The following IFT56 variants were observed in gnomAD, a reference collection of about 807,000 sequenced individuals.
IFT56 encodes intraflagellar transport 56, also known as intraflagellar transport protein 56.
At chr7:139,189,499 G>GT in the IFT56 span, 1 of 1,116,768 alleles carries the variant, frequency 9.0e-7, no homozygotes, top group Non-Finnish European at 1.3e-6. Flanking sequence ...TTTCACTCCA[G>GT]TTTAATCTGT....
chr7:139,185,818 C>CT, the IFT56 span, among the ~76,000 whole-genome samples: 1 of 151,306 alleles, frequency 6.6e-6, no homozygotes, highest in Non-Finnish European at 1.5e-5. Context: ...ACAATAAAGA[C>CT]TTTTTTTAAA....
At chr7:139,189,450 A>G in the IFT56 span, 16 of 1,528,050 alleles carry the variant, frequency 1.0e-5, no homozygotes, top group Non-Finnish European at 1.4e-5. Context: ...CCAGCGTCCT[A>G]GGAACCAGCT....
chr7:139,191,210 T>C, the IFT56 span: 1 of 152,240 alleles, frequency 6.6e-6, no homozygotes, highest in African/African-American at 2.4e-5. Flanking sequence ...ATAACTGAAT[T>C]CTAGGAAGCA....
the IFT56 span, chr7:139,172,579 T>C: frequency 5.3e-6 from 3 of 566,142 alleles, no homozygotes; most frequent in Middle Eastern, 3.9e-4. Context: ...AAGCTGACTC[T>C]GGGAAAAAGT....
At chr7:139,169,306 T>C in the IFT56 span, 2 of 1,614,092 alleles carry the variant, frequency 1.2e-6, no homozygotes, top group South Asian at 2.2e-5. Context: ...ATATGAAAAT[T>C]GCCCAGCAGT....
the IFT56 span, among the ~76,000 whole-genome samples, chr7:139,177,133 C>A: frequency 6.7e-6 from 1 of 148,800 alleles, no homozygotes; most frequent in Non-Finnish European, 1.5e-5. Context: ...GATCGCACCA[C>A]TGCACTTCAC....
chr7:139,185,751 A>T, the IFT56 span, among the ~76,000 whole-genome samples: 3 of 152,012 alleles, frequency 2.0e-5, no homozygotes, highest in African/African-American at 7.3e-5. Context: ...TTTTCACATT[A>T]TAATTAGTAA....
At chr7:139,168,965 C>T in the IFT56 span, among the ~76,000 whole-genome samples, 2 of 152,188 alleles carry the variant, frequency 1.3e-5, no homozygotes, top group East Asian at 3.9e-4. Context: ...AATAAATACT[C>T]CTTGTTATAT....
At chr7:139,165,579 A>G in the IFT56 span, among the ~76,000 whole-genome samples, 952 of 149,098 alleles carry the variant, frequency 6.4e-3, 10 homozygotes, top group African/African-American at 0.023. Flanking sequence ...GTACATTCAC[A>G]TTTTCTTGTG....
At chr7:139,168,466 T>C in the IFT56 span, 3 of 1,198,984 alleles carry the variant, frequency 2.5e-6, no homozygotes, top group Admixed American at 3.5e-5. Flanking sequence ...ACAAAATGAC[T>C]ATCAAAGTGC....
chr7:139,138,610 G>A, the IFT56 span, among the ~76,000 whole-genome samples: 3 of 152,082 alleles, frequency 2.0e-5, no homozygotes, highest in Non-Finnish European at 4.4e-5. Flanking sequence ...CTTCAGAACA[G>A]GAAAATTAAG....
the IFT56 span, chr7:139,160,971 CA>C: frequency 3.7e-6 from 6 of 1,613,356 alleles, no homozygotes; most frequent in Non-Finnish European, 5.1e-6. Context: ...GCTTGATGGA[CA>C]ATGCTTCTTC....
the IFT56 span, chr7:139,169,486 G>C: frequency 2.8e-6 from 2 of 718,864 alleles, no homozygotes; most frequent in Admixed American, 2.5e-5. Context: ...AGAAATAAGA[G>C]AGAATATTGG....
the IFT56 span, chr7:139,168,346 GTA>G: frequency 3.1e-6 from 5 of 1,600,506 alleles, no homozygotes; most frequent in Non-Finnish European, 8.5e-7. Context: ...GTTTCTAGGA[GTA>G]TATTCTCAAA....
At chr7:139,178,106 T>A in the IFT56 span, 1 of 760,866 alleles carries the variant, frequency 1.3e-6, no homozygotes, top group Non-Finnish European at 2.2e-6. Context: ...TCTAGAAAGA[T>A]ATTTTGGAAT....
At chr7:139,139,779 C>A in the IFT56 span, 2 of 654,436 alleles carry the variant, frequency 3.1e-6, no homozygotes, top group South Asian at 4.1e-5. Context: ...TGTAGGATTC[C>A]CTAAATGTGA....
chr7:139,150,766 C>G, the IFT56 span, among the ~76,000 whole-genome samples: 5 of 152,128 alleles, frequency 3.3e-5, no homozygotes, highest in African/African-American at 1.2e-4. Flanking sequence ...CTAAAGTAAA[C>G]AGGAAATAAT....
the IFT56 span, among the ~76,000 whole-genome samples, chr7:139,188,931 A>G: frequency 6.6e-6 from 1 of 152,206 alleles, no homozygotes; most frequent in Non-Finnish European, 1.5e-5. Context: ...TGAGTTAGAC[A>G]AATTAAGTGA....
chr7:139,174,015 A>G, the IFT56 span: 6 of 618,236 alleles, frequency 9.7e-6, no homozygotes, highest in East Asian at 3.8e-5. Context: ...TTTTTCATCA[A>G]TGAGGAGGCC....
Sources: allele counts gnomAD v4.1 joint callset (sites outside exome capture counted in the v4.1 genomes callset), GRCh38; gene constraint gnomAD v4.1.1; transcripts MANE v1.5; gene names NCBI Gene and HGNC (gene_info 2026-07-23, HGNC 2026-07-21).